The following KCNK10 variants were observed in gnomAD, a reference collection of about 807,000 sequenced individuals.
KCNK10 encodes the protein potassium channel subfamily K member 10.
In KCNK10, 25 loss-of-function variants were observed where a neutral mutation model predicts 47.7. That is an observed-to-expected ratio of 0.52 (90% CI 0.38 to 0.73). KCNK10 has a LOEUF of 0.73. KCNK10 is among the 30% of genes least tolerant of loss of function. KCNK10 has a pLI of 0.00. For missense variants in KCNK10, 563 were observed against 714.5 expected, an observed-to-expected ratio of 0.79 and a Z score of 2.42; for synonymous variants, 303 against 285.6, an observed-to-expected ratio of 1.06 and a Z score of -0.61.
rs563224806 is a variant in KCNK10, at chr14:88,292,281, C to T, written c.53-28730G>A. Among the ~76,000 whole-genome samples, 3 of 152,332 alleles carry T rather than the reference C, an allele frequency of 2.0e-5. No homozygotes were observed. In the South Asian group the frequency reaches 6.2e-4, roughly 32 times the overall value. On this transcript the variant is annotated intron_variant, in intron 1 of 6. Transcript: ENST00000319231. The stretch of plus-strand genomic sequence containing the variant: ...GGCCCCCGCCTTCCCTTTCCCATGG[C>T]TGATCTGCAGTGTCTCAGGCCAGGC...
intron 4 of KCNK10, among the ~76,000 whole-genome samples, chr14:88,225,026 A>G (rs1471739445): frequency 1.3e-5 from 2 of 152,134 alleles, no homozygotes; most frequent in African/African-American, 4.8e-5. Flanking sequence ...GAAGAAATAC[A>G]TAAACCTTCC....
intron 4 of KCNK10, among the ~76,000 whole-genome samples, chr14:88,211,543 A>G (rs1885457083): frequency 6.6e-6 from 1 of 152,184 alleles, no homozygotes; most frequent in African/African-American, 2.4e-5. Context: ...AAAAGGCATA[A>G]AGAAAATCTT....
intron 3 of KCNK10, among the ~76,000 whole-genome samples, chr14:88,229,450 C>T (rs1158965698): frequency 6.6e-6 from 1 of 151,250 alleles, no homozygotes; most frequent in Non-Finnish European, 1.5e-5. Context: ...AATCAATGGA[C>T]TGTAAAGTAC....
In KCNK10 at chr14:88,264,471, T is replaced by C. The variant is rs191268197; in HGVS notation, c.53-920A>G. On this transcript the variant is annotated intron_variant, in intron 1 of 6. Coordinates refer to ENST00000319231, the MANE Select transcript of KCNK10 (RefSeq NM_138317.3). ...GTTGTGTGAAGAAGGTATTAGTAGATGATAAACCTAATTACCTAAGTGGGG... is the reference window on the plus strand; with the variant it reads ...GTTGTGTGAAGAAGGTATTAGTAGACGATAAACCTAATTACCTAAGTGGGG... 1.0e-3 allele frequency among the ~76,000 whole-genome samples: 157 copies of C among 152,340 alleles called. 2 individuals carry two copies. Among genetic ancestry groups the C allele is most frequent in the Middle Eastern group, 3.4e-3 (1 of 294 alleles).
intron 2 of KCNK10, among the ~76,000 whole-genome samples, chr14:88,252,119 T>C (rs1886815666): frequency 6.6e-6 from 1 of 152,152 alleles, no homozygotes; most frequent in Admixed American, 6.5e-5. Context: ...TTTGCCATGT[T>C]GCCCAGGCTG....
intron 5 of KCNK10, among the ~76,000 whole-genome samples, chr14:88,188,944 C>T (rs374788669): frequency 6.6e-6 from 1 of 152,130 alleles, no homozygotes; most frequent in African/African-American, 2.4e-5. Context: ...CCCAACCCAC[C>T]GTCCTAAAGA....
rs950016715 is a variant in KCNK10, at chr14:88,241,179, C to A, written c.403-359G>T. 5.9e-5 allele frequency among the ~76,000 whole-genome samples: 9 copies of A among 152,216 alleles called. No homozygotes were observed. The South Asian group carries it at 6.2e-4, about 11-fold the overall frequency. ...TGTTCACCCAAAGTGGGCATTTCCG[C>A]AAGGCAGGATTTTGGTTGCTTTTTC... On this transcript the variant is annotated intron_variant, in intron 2 of 6. Coordinates refer to ENST00000319231, the MANE Select transcript of KCNK10 (RefSeq NM_138317.3).
In KCNK10 at chr14:88,243,169, T is replaced by C. The variant is rs1886529564; in HGVS notation, c.403-2349A>G. On this transcript the variant is annotated intron_variant, in intron 2 of 6. Coordinates refer to ENST00000319231, the MANE Select transcript of KCNK10 (RefSeq NM_138317.3). ...CCTATGTAACCCTCAAGGAAAGTGT[T>C]TATCAGTTGAAAGGAAAAGGGAACT... Among the ~76,000 whole-genome samples, 4 of 152,342 alleles carry C rather than the reference T, an allele frequency of 2.6e-5. No individual in the cohort carries two copies. In the South Asian group the frequency reaches 8.3e-4, roughly 32 times the overall value.
chr14:88,325,211 G>T (rs1000628095), upstream of KCNK10, among the ~76,000 whole-genome samples: 7 of 152,120 alleles, frequency 4.6e-5, no homozygotes, highest in Non-Finnish European at 1.0e-4. Context: ...TCTAAGAAAG[G>T]CTTTCGAACC....
At chr14:88,283,985 T>G (rs1162282040) in intron 1 of KCNK10, among the ~76,000 whole-genome samples, 1 of 152,126 alleles carries the variant, frequency 6.6e-6, no homozygotes. Context: ...TACAAATATA[T>G]TAAATATATA....
At chr14:88,275,189 G>C (rs1318449312) in intron 1 of KCNK10, among the ~76,000 whole-genome samples, 1 of 152,086 alleles carries the variant, frequency 6.6e-6, no homozygotes, top group East Asian at 1.9e-4. Context: ...CATTGTCCTG[G>C]AAAACCAATA....
intron 1 of KCNK10, among the ~76,000 whole-genome samples, chr14:88,292,550 C>A (rs1887903281): frequency 6.6e-6 from 1 of 152,144 alleles, no homozygotes; most frequent in Non-Finnish European, 1.5e-5. Context: ...GGGGTTTTAC[C>A]ATTTTGGCCA....
intron 4 of KCNK10, among the ~76,000 whole-genome samples, chr14:88,223,704 GT>G (rs1566691458): frequency 6.6e-6 from 1 of 152,130 alleles, no homozygotes; most frequent in South Asian, 2.1e-4. Flanking sequence ...TGTAAAAGGC[GT>G]TTTTGTTTGT....
chr14:88,213,184 A>T (rs1885515794), intron 4 of KCNK10, among the ~76,000 whole-genome samples: 3 of 152,192 alleles, frequency 2.0e-5, no homozygotes, highest in Non-Finnish European at 4.4e-5. Context: ...CAATTCAATA[A>T]GGGCACCTCT....
chr14:88,305,751 AT>A (rs1303342739), intron 1 of KCNK10, among the ~76,000 whole-genome samples: 3 of 152,224 alleles, frequency 2.0e-5, no homozygotes, highest in Non-Finnish European at 4.4e-5. Context: ...CCAGTAGGGA[AT>A]TAGAGAAAAG....
Position 88,186,845 on chromosome 14 carries a change from G to C in KCNK10, c.1012-690C>G, listed in dbSNP as rs554926069. Among the ~76,000 whole-genome samples, 1 of 152,216 alleles carries C rather than the reference G, an allele frequency of 6.6e-6. No homozygotes were observed. The highest frequency in any genetic ancestry group is 1.5e-5 in the Non-Finnish European group (1 of 68,022). ...CCTGGTAACCCACTTCCCCCAGTCA[G>C]GGTGCAGGAAGACGGCCTATTCTGC... On this transcript the variant is annotated intron_variant, in intron 6 of 6. Coordinates refer to ENST00000319231, the MANE Select transcript of KCNK10 (RefSeq NM_138317.3). This position sits in a 1 kb window ranked among gnomAD's most constrained non-coding sequence, Gnocchi z 5.5.
chr14:88,290,025 T>G (rs946127956), intron 1 of KCNK10, among the ~76,000 whole-genome samples: 3 of 152,178 alleles, frequency 2.0e-5, no homozygotes, highest in African/African-American at 7.2e-5. Flanking sequence ...ATTGGTAGGA[T>G]CAGCAGGATA....
At chr14:88,223,037 A>C (rs1363513977) in intron 4 of KCNK10, among the ~76,000 whole-genome samples, 1 of 152,158 alleles carries the variant, frequency 6.6e-6, no homozygotes, top group African/African-American at 2.4e-5. Flanking sequence ...TTGTGCTTAA[A>C]ACTCTGACAA....
rs918853367 is a variant in KCNK10, at chr14:88,185,230, C to T, written c.*305G>A. 5 of 323,938 alleles carry T rather than the reference C, an allele frequency of 1.5e-5. No individual in the cohort carries two copies. In the Admixed American group the frequency reaches 1.9e-4, roughly 12 times the overall value. 20.1% of individuals were successfully genotyped at this position (323,938 alleles called of 1,614,324 possible). On this transcript the variant is annotated 3_prime_UTR_variant, in exon 7 of 7. Coordinates refer to ENST00000319231, the MANE Select transcript of KCNK10 (RefSeq NM_138317.3). This position sits in a 1 kb window ranked among gnomAD's most constrained non-coding sequence, Gnocchi z 4.3. ...AGCTGCCCTTGTCTACGTGTGTGCC[C>T]AGGTAGCACTGCCCAGGGGTACAGC...
Sources: allele counts gnomAD v4.1 joint callset (sites outside exome capture counted in the v4.1 genomes callset), GRCh38; gene constraint gnomAD v4.1.1; non-coding constraint Gnocchi (gnomAD v3.1); transcripts MANE v1.5; gene names NCBI Gene and HGNC (gene_info 2026-07-23, HGNC 2026-07-21).